Variants in AVEN observed in about 807,000 individuals in gnomAD.
AVEN encodes the protein apoptosis and caspase activation inhibitor.
A neutral mutation model predicts 38.1 loss-of-function variants in AVEN; 41 were observed. The ratio of observed to expected loss-of-function variants is 1.08; its 90% CI spans 0.84 to 1.40. AVEN has a LOEUF of 1.40. AVEN is among the 40% of genes most tolerant of loss of function. The pLI is 0.00. For synonymous variants in AVEN, 206 were observed against 171.8 expected, an observed-to-expected ratio of 1.20 and a Z score of -1.56; for missense variants, 605 against 438.8, an observed-to-expected ratio of 1.38 and a Z score of -3.38.
At chr15:33,978,376 C>T (rs1895982651) in intron 2 of AVEN, among the ~76,000 whole-genome samples, 1 of 152,170 alleles carries the variant, frequency 6.6e-6, no homozygotes, top group East Asian at 1.9e-4. Context: ...AAAATTAAAG[C>T]GTACAGGCCG....
intron 2 of AVEN, among the ~76,000 whole-genome samples, chr15:33,904,675 G>A (rs1359956567): frequency 1.2e-5 from 1 of 86,402 alleles, no homozygotes; most frequent in African/African-American, 4.4e-5. Flanking sequence ...GGCCGAGACT[G>A]TTTCTTTAAA....
chr15:33,913,119 C>A (rs958889722), intron 2 of AVEN, among the ~76,000 whole-genome samples: 1 of 152,098 alleles, frequency 6.6e-6, no homozygotes, highest in Non-Finnish European at 1.5e-5. Context: ...GAACTCCCAA[C>A]CTCAGGTGAT....
intron 2 of AVEN, among the ~76,000 whole-genome samples, chr15:33,930,162 ATCT>A (rs949090362): frequency 6.6e-6 from 1 of 152,126 alleles, no homozygotes; most frequent in African/African-American, 2.4e-5. Flanking sequence ...CCCTTTACAC[ATCT>A]TCTTCTGCCA....
intron 2 of AVEN, among the ~76,000 whole-genome samples, chr15:33,958,405 C>T (rs1327528174): frequency 6.6e-6 from 1 of 151,896 alleles, no homozygotes; most frequent in Admixed American, 6.6e-5. Flanking sequence ...CATGGCGAAA[C>T]CCCATCTCTA....
At chr15:33,902,823 T>G (rs1237388232) in intron 2 of AVEN, among the ~76,000 whole-genome samples, 2 of 151,204 alleles carry the variant, frequency 1.3e-5, no homozygotes, top group Non-Finnish European at 3.0e-5. Context: ...TCATAAAAAA[T>G]TCTTAGGAAT....
chr15:33,931,288 T>C (rs1443333768), intron 2 of AVEN, among the ~76,000 whole-genome samples: 2 of 150,794 alleles, frequency 1.3e-5, no homozygotes, highest in Non-Finnish European at 2.9e-5. Flanking sequence ...CACATAACCA[T>C]CAAATTAAGG....
intron 5 of AVEN, among the ~76,000 whole-genome samples, chr15:33,867,118 A>G (rs186791687): frequency 5.4e-4 from 82 of 152,336 alleles, no homozygotes; most frequent in Middle Eastern, 3.4e-3. Context: ...TCTTTTGTCA[A>G]AATATAAGAC....
chr15:34,054,377 G>A (rs1395675514), intron 5 of AVEN, among the ~76,000 whole-genome samples: 2 of 152,130 alleles, frequency 1.3e-5, no homozygotes, highest in African/African-American at 4.8e-5. Flanking sequence ...ATACATGCAT[G>A]TGTATGTTCA....
intron 2 of AVEN, among the ~76,000 whole-genome samples, chr15:33,937,840 T>C (rs1894146918): frequency 1.4e-5 from 2 of 148,090 alleles, no homozygotes; most frequent in South Asian, 4.2e-4. Flanking sequence ...ACTTCCAGTC[T>C]CCAGAACTGT....
At chr15:33,865,187 T>G, downstream of AVEN, 1 of 1,613,918 alleles carries the variant, frequency 6.2e-7, no homozygotes, top group Middle Eastern at 1.7e-4. Flanking sequence ...TCCCAGCCGG[T>G]GACTGCTTTC....
At chr15:33,865,010 G>C (rs896577794), downstream of AVEN, 7 of 679,878 alleles carry the variant, frequency 1.0e-5, no homozygotes, top group African/African-American at 1.3e-4. Context: ...GAATGTGCAG[G>C]TTTGGCCTCA....
At chr15:33,857,972 C>G (rs2079878588), downstream of AVEN, 2 of 1,602,840 alleles carry the variant, frequency 1.2e-6, no homozygotes, top group Non-Finnish European at 1.7e-6. Flanking sequence ...CCCGCCCCAC[C>G]ACCTCACTGG....
At chr15:34,073,451 T>C (rs58678516) in intron 1 of AVEN, among the ~76,000 whole-genome samples, 2,793 of 8,378 alleles carry the variant, frequency 0.33, 99 homozygotes, top group African/African-American at 0.34. Context: ...TTCAAACTCT[T>C]CAAAAACAAA....
intron 5 of AVEN, among the ~76,000 whole-genome samples, chr15:34,053,171 G>A (rs1328324451): frequency 6.6e-6 from 1 of 151,078 alleles, no homozygotes; most frequent in Non-Finnish European, 1.5e-5. Context: ...ATGGTGGTGG[G>A]TGCCTACAGT....
chr15:34,006,442 G>C (rs773471597), intron 1 of AVEN, among the ~76,000 whole-genome samples: 4 of 152,188 alleles, frequency 2.6e-5, no homozygotes, highest in African/African-American at 9.7e-5. Context: ...AGAGTTCAGA[G>C]AGGCTTCTCC....
At chr15:33,977,522 C>T (rs1368353510) in intron 2 of AVEN, among the ~76,000 whole-genome samples, 1 of 152,116 alleles carries the variant, frequency 6.6e-6, no homozygotes, top group East Asian at 1.9e-4. Flanking sequence ...GGTGTTGTAT[C>T]CCAGCCTCGT....
chr15:33,933,669 A>G (rs1425794491), intron 2 of AVEN, among the ~76,000 whole-genome samples: 1 of 152,210 alleles, frequency 6.6e-6, no homozygotes. Flanking sequence ...AGTTAGAAAA[A>G]TAGTCTCAGC....
chr15:34,038,025 A>C (rs905636511), intron 1 of AVEN, among the ~76,000 whole-genome samples: 6 of 152,348 alleles, frequency 3.9e-5, no homozygotes, highest in Non-Finnish European at 7.4e-5. Context: ...CCCCATATAT[A>C]TCATCCCCTG....
At chr15:33,900,008 A>G (rs1276618719) in intron 2 of AVEN, among the ~76,000 whole-genome samples, 1 of 152,076 alleles carries the variant, frequency 6.6e-6, no homozygotes, top group Admixed American at 6.6e-5. Context: ...TCTAACTTAC[A>G]GCAATTCAAT....
Sources: allele counts gnomAD v4.1 joint callset (sites outside exome capture counted in the v4.1 genomes callset), GRCh38; gene constraint gnomAD v4.1.1; transcripts MANE v1.5; gene names NCBI Gene and HGNC (gene_info 2026-07-23, HGNC 2026-07-21).